The following SELE variants were observed in gnomAD, a reference collection of about 807,000 sequenced individuals.
The protein encoded by SELE is E-selectin.
SELE carries 52 observed loss-of-function variants against 75.8 expected under a neutral mutation model. The observed-to-expected ratio is 0.69, with a 90% CI of 0.55 to 0.86. The LOEUF (loss-of-function observed/expected upper bound fraction) is 0.86. Ranked by LOEUF, SELE falls within the 40% of genes least tolerant of loss-of-function variation. SELE has a pLI of 0.00. For synonymous variants in SELE, 285 were observed against 258.7 expected, an observed-to-expected ratio of 1.10 and a Z score of -0.98; for missense variants, 754 against 732.7, an observed-to-expected ratio of 1.03 and a Z score of -0.34.
At chr1:169,725,642 T>G (rs1648720759) in intron 13 of SELE, 87 bp downstream of exon 13, 2 of 1,084,464 alleles carry the variant, frequency 1.8e-6, no homozygotes. Flanking sequence ...CTCCCTAAGA[T>G]ATTGGCAAGT....
At chr1:169,726,474 C>A (rs2101990299) in intron 11 of SELE, among the ~76,000 whole-genome samples, 1 of 152,200 alleles carries the variant, frequency 6.6e-6, no homozygotes, top group South Asian at 2.1e-4. Context: ...AATAGCACCC[C>A]CTGGAGTTGT....
At position 169,728,173 on chromosome 1, in the gene SELE, G is replaced by T. The variant is rs780464282; in HGVS notation, c.1164C>A (p.Phe388Leu). The change falls in exon 8 of 14, where the codon TTC becomes TTA. Residue 388 changes from phenylalanine (F) to leucine (L), a missense_variant. Phe to Leu is a conservative substitution (Grantham distance 22). Coordinates refer to ENST00000333360, the MANE Select transcript of SELE (RefSeq NM_000450.2). ...AGAACTCACAGCTGGACCCATAACG[G>T]AAACTGCCAGAAGCACTAGGAAGAC... ...MNCLPSASGSFRYGSSCEFSC... is the reference protein window; with the variant it reads ...MNCLPSASGSLRYGSSCEFSC... 2.5e-6 allele frequency: 4 copies of T among 1,614,164 alleles called. No individual in the cohort carries two copies. In the African/African-American group the frequency reaches 4.0e-5, roughly 16 times the overall value.
rs1362140209 is a variant in SELE, at chr1:169,728,144, C to T, written c.1193G>A (p.Cys398Tyr). 1 of 1,614,082 alleles carries T rather than the reference C, an allele frequency of 6.2e-7. No individual in the cohort carries two copies. Among genetic ancestry groups the T allele is most frequent in the Non-Finnish European group, 8.5e-7 (1 of 1,180,026 alleles). Residue 398 changes from cysteine to tyrosine, a missense_variant, in exon 8 of 14, where the codon TGT becomes TAT. By Grantham distance (194) the Cys-to-Tyr change is radical (BLOSUM62 -2). Transcript: ENST00000333360. ...FRYGSSCEFS[C>Y]EQGFVLKGSK... ...TCCCTTCAACACAAAACCCTGCTCA[C>T]AGGAGAACTCACAGCTGGACCCATA...
chr1:169,729,520 C>G lies in SELE; in HGVS notation c.869G>C (p.Gly290Ala), dbSNP rs1192821503. The G allele has an allele frequency of 6.2e-7, 1 of 1,614,124 alleles. No individual in the cohort carries two copies. The highest frequency in any genetic ancestry group is 1.3e-5 in the African/African-American group (1 of 75,040). Residue 290 changes from glycine to alanine, a missense_variant, in exon 6 of 14, where the codon GGG (glycine) becomes GCG (alanine). Gly to Ala is a moderately conservative substitution (Grantham distance 60, BLOSUM62 0). Coordinates refer to ENST00000333360, the MANE Select transcript of SELE (RefSeq NM_000450.2). ...GAQSLQCTSS[G>A]NWDNEKPTCK... Reference sequence around the variant, plus strand: ...CGTTGGCTTCTCGTTGTCCCAATTCCCAGATGAGGTACACTGAAGGCTCTG... The same window carrying G: ...CGTTGGCTTCTCGTTGTCCCAATTCGCAGATGAGGTACACTGAAGGCTCTG...
chr1:169,728,413 C>T lies in SELE; in HGVS notation c.1091-167G>A, dbSNP rs558772300. ...CTGTGTTTTCTTTGAATTTCAGCCC[C>T]CTCACTGATCATGGCACTAATTAAA... On this transcript the variant is annotated intron_variant, in intron 7 of 13. Transcript: ENST00000333360. Among the ~76,000 whole-genome samples the T allele has an allele frequency of 8.5e-5, 13 of 152,258 alleles. No homozygotes were observed. In the South Asian group the frequency reaches 2.7e-3, roughly 32 times the overall value.
At chr1:169,727,708 G>A (rs780848050) in intron 9 of SELE, 31 bp downstream of exon 9, 2 of 1,604,876 alleles carry the variant, frequency 1.2e-6, no homozygotes, top group African/African-American at 2.7e-5. Context: ...TATTTGACCT[G>A]TACCCTAAAA....
rs745805664 is a variant in SELE, at chr1:169,729,591, T to C, written c.798A>G (p.Thr266=). The C allele has an allele frequency of 6.2e-7, 1 of 1,614,214 alleles. No individual in the cohort carries two copies. Among genetic ancestry groups the C allele is most frequent in the South Asian group, 1.1e-5 (1 of 91,088 alleles). ...CTTCTTCACAGTCAAATGTACAGGT[T>C]GTGTTCCATGGGAAGCTTCCAGGGT... ...FQNPGSFPWN[T]TCTFDCEEGF... Residue 266 remains threonine, a synonymous_variant, in exon 6 of 14, where the codon ACA becomes ACG. Transcript: ENST00000333360.
At position 169,724,329 on chromosome 1, in the gene SELE, CT is replaced by C. The variant is rs1225763819; in HGVS notation, c.*195del. On this transcript the variant is annotated 3_prime_UTR_variant, in exon 14 of 14. Coordinates refer to ENST00000333360, the MANE Select transcript of SELE (RefSeq NM_000450.2). The stretch of plus-strand genomic sequence containing the variant: ...GAGAGTAGGAAAGGGAACACTGAGT[CT>C]TTTCAGTTGAAGGCCGTCCTTGCCT... 1 of 152,198 alleles carries C rather than the reference CT, an allele frequency of 6.6e-6. No individual in the cohort carries two copies. Among genetic ancestry groups the C allele is most frequent in the Non-Finnish European group, 1.5e-5 (1 of 68,042 alleles). The allele number at this position is 152,198 out of a possible 1,614,324, so 9.4% of individuals were successfully genotyped here.
chr1:169,725,882 T>C (rs1466491648), intron 12 of SELE, 25 bp downstream of exon 12: 1 of 1,614,046 alleles, frequency 6.2e-7, no homozygotes, highest in African/African-American at 1.3e-5. Flanking sequence ...TTCAATGGCA[T>C]GCTTTGTATA....
At chr1:169,727,178 T>C (rs970192373) in intron 10 of SELE, among the ~76,000 whole-genome samples, 171 bp downstream of exon 10, 3 of 152,242 alleles carry the variant, frequency 2.0e-5, no homozygotes, top group African/African-American at 7.2e-5. Flanking sequence ...ACCCTTTCCA[T>C]CAACATGCAA....
At position 169,725,943 on chromosome 1, in the gene SELE, A is replaced by G; in HGVS notation, c.1754-15T>C. 1 of 1,613,796 alleles carries G rather than the reference A, an allele frequency of 6.2e-7. No individual in the cohort carries two copies. The highest frequency in any genetic ancestry group is 1.1e-5 in the South Asian group (1 of 91,058). On this transcript the variant is annotated splice_polypyrimidine_tract_variant and intron_variant, in intron 11 of 13. Transcript: ENST00000333360. ...AAATTTCTTTGCTGCAAAAGAAAAG[A>G]CAAACAACCATTAATTCAGACTAAA...
chr1:169,730,310 T>C (rs1035231676), intron 5 of SELE, 122 bp downstream of exon 5: 5 of 893,282 alleles, frequency 5.6e-6, no homozygotes, highest in African/African-American at 1.8e-5. Context: ...GAACAAATTG[T>C]ATTAAAAACA....
chr1:169,725,602 A>G (rs1254512404), intron 13 of SELE, 127 bp downstream of exon 13: 2 of 691,118 alleles, frequency 2.9e-6, no homozygotes, highest in East Asian at 5.3e-5. Context: ...TTCCAGAACA[A>G]TACCCAGGTG....
chr1:169,725,554 C>T (rs3917434), intron 13 of SELE, among the ~76,000 whole-genome samples, 175 bp downstream of exon 13: 113,808 of 152,010 alleles, frequency 0.75, 43,272 homozygotes, highest in Middle Eastern at 0.9. Flanking sequence ...AAGCTAGATC[C>T]GTTTCTTTCC....
chr1:169,725,908 T>C lies in SELE; in HGVS notation c.1774A>G (p.Ser592Gly), dbSNP rs1330964514. The change falls in exon 12 of 14, where the codon AGC (serine) becomes GGC (glycine). Residue 592 changes from serine to glycine, a missense_variant and splice_region_variant. Transcript: ENST00000333360. ...LRKAKKFVPASSCQSLESDGS... is the reference protein window; with the variant it reads ...LRKAKKFVPAGSCQSLESDGS... ...GCTTTGTATAAGAATGCAACTTACC[T>C]GGCAGGAACAAATTTCTTTGCTGCA... 2 of 1,614,080 alleles carry C rather than the reference T, an allele frequency of 1.2e-6. No homozygotes were observed. The highest frequency in any genetic ancestry group is 1.3e-5 in the African/African-American group (1 of 75,064).
chr1:169,726,614 A>G (rs1648780267), intron 11 of SELE, 85 bp downstream of exon 11: 4 of 929,484 alleles, frequency 4.3e-6, no homozygotes, highest in South Asian at 2.9e-5. Context: ...TATTGTTTAA[A>G]TCAGTAAGCA....
At chr1:169,730,175 C>T (rs1291199927) in intron 5 of SELE, among the ~76,000 whole-genome samples, 1 of 152,090 alleles carries the variant, frequency 6.6e-6, no homozygotes, top group Non-Finnish European at 1.5e-5. Flanking sequence ...ATTTCTAGAG[C>T]TTTATTGTTT....
At chr1:169,732,565 A>G (rs1648939495) in intron 3 of SELE, 50 bp downstream of exon 3, 1 of 1,512,400 alleles carries the variant, frequency 6.6e-7, no homozygotes, top group Non-Finnish European at 8.8e-7. Flanking sequence ...AAATTTGCCA[A>G]GATGCCCACA....
intron 13 of SELE, among the ~76,000 whole-genome samples, chr1:169,725,386 A>AT (rs199516828): frequency 0.024 from 3,400 of 144,084 alleles, 44 homozygotes; most frequent in Non-Finnish European, 0.035. Context: ...CCATCTCAAA[A>AT]TTAAAAAAAA....
Sources: gnomAD v4.1 joint callset for allele counts (sites outside exome capture counted in the v4.1 genomes callset) on GRCh38, gnomAD v4.1.1 for gene constraint, MANE v1.5 for transcripts, NCBI Gene and HGNC (gene_info 2026-07-23, HGNC 2026-07-21) for gene names.